KCNJ3: variants seen among roughly 807,000 people sequenced by gnomAD.
KCNJ3 encodes the protein potassium inwardly rectifying channel subfamily J member 3, also known as G protein-activated inward rectifier potassium channel 1.
KCNJ3 carries 4 observed loss-of-function variants against 39.2 expected under a neutral mutation model. The ratio of observed to expected loss-of-function variants is 0.10; its 90% confidence interval spans 0.05 to 0.23. KCNJ3 has a LOEUF of 0.23. KCNJ3 is among the 10% of genes least tolerant of loss of function. KCNJ3 has a pLI of 1.00. For missense variants in KCNJ3, 276 were observed against 634.9 expected, an observed-to-expected ratio of 0.43 and a Z score of 6.08; for synonymous variants, 230 against 237.4, an observed-to-expected ratio of 0.97 and a Z score of 0.29.
chr2:154,759,970 G>T (rs1574451362), intron 2 of KCNJ3, among the ~76,000 whole-genome samples: 2 of 152,174 alleles, frequency 1.3e-5, no homozygotes, highest in Admixed American at 6.5e-5. Context: ...GATAAGACAA[G>T]GTTTTACAAG....
At chr2:154,703,720 T>C (rs1160002730) in intron 1 of KCNJ3, among the ~76,000 whole-genome samples, 1 of 152,116 alleles carries the variant, frequency 6.6e-6, no homozygotes, top group Non-Finnish European at 1.5e-5. Context: ...TTTTATATCT[T>C]GCACTGAAAT....
chr2:154,710,809 G>A (rs1477345246), intron 2 of KCNJ3, among the ~76,000 whole-genome samples: 1 of 152,108 alleles, frequency 6.6e-6, no homozygotes, highest in Admixed American at 6.5e-5. Flanking sequence ...ATAAATTCAA[G>A]CTTTATACCA....
intron 2 of KCNJ3, among the ~76,000 whole-genome samples, chr2:154,731,587 TATAC>T (rs775352560): frequency 2.4e-4 from 37 of 152,168 alleles, no homozygotes; most frequent in Non-Finnish European, 2.5e-4. Context: ...ATCTTTTAAA[TATAC>T]ATAACTCATG....
At chr2:154,754,138 A>G (rs970149618) in intron 2 of KCNJ3, among the ~76,000 whole-genome samples, 18 of 152,240 alleles carry the variant, frequency 1.2e-4, no homozygotes, top group African/African-American at 4.1e-4. Flanking sequence ...TCATGAATAA[A>G]TACTAACCAT....
chr2:154,796,969 G>A (rs1397207862), intron 2 of KCNJ3, among the ~76,000 whole-genome samples: 2 of 152,096 alleles, frequency 1.3e-5, no homozygotes, highest in Non-Finnish European at 2.9e-5. Context: ...AGGATTGCTG[G>A]CCAAGAGACT....
At chr2:154,817,136 T>A (rs1687094949) in intron 2 of KCNJ3, among the ~76,000 whole-genome samples, 1 of 152,182 alleles carries the variant, frequency 6.6e-6, no homozygotes, top group African/African-American at 2.4e-5. Context: ...TTCCCCCTGA[T>A]AATAAGAACC....
intron 2 of KCNJ3, among the ~76,000 whole-genome samples, chr2:154,847,952 C>T (rs1467513387): frequency 6.6e-6 from 1 of 152,114 alleles, no homozygotes; most frequent in Non-Finnish European, 1.5e-5. Flanking sequence ...AGAATATCAG[C>T]TAGCATTGTC....
At chr2:154,734,695 G>T (rs921561625) in intron 2 of KCNJ3, among the ~76,000 whole-genome samples, 3 of 152,116 alleles carry the variant, frequency 2.0e-5, no homozygotes, top group East Asian at 1.9e-4. Flanking sequence ...AAGGAAAGAG[G>T]GTGAGGGAGG....
chr2:154,779,288 T>C (rs927693609), intron 2 of KCNJ3, among the ~76,000 whole-genome samples: 4 of 151,556 alleles, frequency 2.6e-5, no homozygotes, highest in African/African-American at 9.7e-5. Context: ...AAATTATTGG[T>C]AAAAAGAGAC....
Position 154,699,586 on chromosome 2 carries a change from C to A in KCNJ3, c.702+109C>A. ...CCCCTCCCCTGGTTCTACCTATAGC[C>A]ACAGGTAAACTTCCTTTTGGGGGGT... On this transcript the variant is annotated intron_variant, in intron 1 of 2. Coordinates refer to ENST00000295101, the MANE Select transcript of KCNJ3 (RefSeq NM_002239.4). This position sits in a 1 kb window ranked among gnomAD's most constrained non-coding sequence, Gnocchi z 6.4. The A allele has an allele frequency of 1.4e-6, 2 of 1,446,832 alleles. No individual in the cohort carries two copies. Among genetic ancestry groups the A allele is most frequent in the Non-Finnish European group, 1.8e-6 (2 of 1,101,394 alleles). 89.6% of individuals were successfully genotyped at this position (1,446,832 alleles called of 1,614,324 possible).
intron 2 of KCNJ3, among the ~76,000 whole-genome samples, chr2:154,815,911 C>T (rs907300727): frequency 3.3e-5 from 5 of 152,162 alleles, no homozygotes; most frequent in African/African-American, 1.2e-4. Context: ...TACGTACCTA[C>T]TCATCAGGGA....
At chr2:154,731,165 G>C (rs555611385) in intron 2 of KCNJ3, among the ~76,000 whole-genome samples, 1 of 151,996 alleles carries the variant, frequency 6.6e-6, no homozygotes, top group East Asian at 1.9e-4. Flanking sequence ...AAGAGCAAAG[G>C]CTTGAAGGAG....
Position 154,814,466 on chromosome 2 carries a change from C to T in KCNJ3, c.920-40261C>T, listed in dbSNP as rs569067711. ...CAGGCTGGCCAACATGGTGAAACCTCGTCTGTACTAAAAATACAAAATTAC... is the reference window on the plus strand; with the variant it reads ...CAGGCTGGCCAACATGGTGAAACCTTGTCTGTACTAAAAATACAAAATTAC... On this transcript the variant is annotated intron_variant, in intron 2 of 2. Coordinates refer to ENST00000295101, the MANE Select transcript of KCNJ3 (RefSeq NM_002239.4). 1.1e-4 allele frequency among the ~76,000 whole-genome samples: 16 copies of T among 152,014 alleles called. No homozygotes were observed. The East Asian group carries it at 1.4e-3, about 13-fold the overall frequency.
chr2:154,841,382 T>C (rs1687573383), intron 2 of KCNJ3, among the ~76,000 whole-genome samples: 1 of 152,196 alleles, frequency 6.6e-6, no homozygotes, highest in African/African-American at 2.4e-5. Flanking sequence ...GGGATATTGA[T>C]CTAAAATTCT....
At chr2:154,788,508 G>A (rs1027926950) in intron 2 of KCNJ3, among the ~76,000 whole-genome samples, 2 of 152,052 alleles carry the variant, frequency 1.3e-5, no homozygotes, top group Admixed American at 6.6e-5. Context: ...ATTTCCTTGT[G>A]TCTAAACAGA....
intron 2 of KCNJ3, among the ~76,000 whole-genome samples, chr2:154,736,583 T>C (rs576202244): frequency 3.3e-5 from 5 of 152,082 alleles, no homozygotes; most frequent in East Asian, 1.9e-4. Context: ...AATGTATATA[T>C]GCAATGAAGC....
intron 2 of KCNJ3, among the ~76,000 whole-genome samples, chr2:154,849,055 G>T (rs1177788166): frequency 6.6e-6 from 1 of 152,106 alleles, no homozygotes; most frequent in African/African-American, 2.4e-5. Flanking sequence ...ATAGAGAGAT[G>T]AGATTAACAG....
In KCNJ3 at chr2:154,749,283, T is replaced by C. The variant is rs116466253; in HGVS notation, c.919+39464T>C. Among the ~76,000 whole-genome samples, 569 of 152,176 alleles carry C rather than the reference T, an allele frequency of 3.7e-3. 2 individuals are homozygous for C. Among genetic ancestry groups the C allele is most frequent in the African/African-American group, 0.013 (531 of 41,538 alleles). On this transcript the variant is annotated intron_variant, in intron 2 of 2. Transcript: ENST00000295101. ...ACCCCCCTCAAAATTAATTAAAGCT[T>C]TCTGAGATATGTGTATTTATAGCAG...
intron 2 of KCNJ3, among the ~76,000 whole-genome samples, chr2:154,834,976 G>T (rs1225173962): frequency 6.6e-6 from 1 of 150,690 alleles, no homozygotes; most frequent in Non-Finnish European, 1.5e-5. Flanking sequence ...ACCAAATGTT[G>T]CTCACTCCTC....
Sources: gnomAD v4.1 joint callset for allele counts (sites outside exome capture counted in the v4.1 genomes callset) on GRCh38, gnomAD v4.1.1 for gene constraint, Gnocchi (gnomAD v3.1) non-coding constraint, MANE v1.5 for transcripts, NCBI Gene and HGNC (gene_info 2026-07-23, HGNC 2026-07-21) for gene names.